The following DAB1 variants were observed in gnomAD, a reference collection of about 807,000 sequenced individuals.
DAB1 encodes disabled homolog 1.
A neutral mutation model predicts 64.6 loss-of-function variants in DAB1; 15 were observed. That is an observed-to-expected ratio of 0.23 (90% CI 0.16 to 0.36). The LOEUF (loss-of-function observed/expected upper bound fraction) is 0.36. Ranked by LOEUF, DAB1 falls within the 10% of genes least tolerant of loss-of-function variation. The pLI, the probability that DAB1 is intolerant of heterozygous loss-of-function variation, is 1.00. For missense variants in DAB1, 596 were observed against 706.7 expected, an observed-to-expected ratio of 0.84 and a Z score of 1.78; for synonymous variants, 235 against 251.9, an observed-to-expected ratio of 0.93 and a Z score of 0.64.
At chr1:57,579,746 A>G (rs1645290165) in intron 7 of DAB1, among the ~76,000 whole-genome samples, 1 of 152,182 alleles carries the variant, frequency 6.6e-6, no homozygotes, top group Non-Finnish European at 1.5e-5. Context: ...TTTGAGAAAC[A>G]TTGACCTAGT....
intron 2 of DAB1, among the ~76,000 whole-genome samples, chr1:57,211,915 A>G (rs1361354084): frequency 6.6e-6 from 1 of 152,248 alleles, no homozygotes; most frequent in Non-Finnish European, 1.5e-5. Context: ...ACTTTATATC[A>G]GGGACTTGGG....
chr1:57,798,480 A>G (rs1233281591), intron 6 of DAB1, among the ~76,000 whole-genome samples: 2 of 152,266 alleles, frequency 1.3e-5, no homozygotes, highest in South Asian at 2.1e-4. Context: ...TCCAGAGGAG[A>G]GAGATGCAAG....
At chr1:58,171,436 T>C (rs904710126) in intron 4 of DAB1, among the ~76,000 whole-genome samples, 2 of 152,200 alleles carry the variant, frequency 1.3e-5, no homozygotes, top group Non-Finnish European at 2.9e-5. Flanking sequence ...AAAAGCTGAA[T>C]GGTCAGTGGA....
chr1:58,427,856 C>T (rs966782833), intron 3 of DAB1, among the ~76,000 whole-genome samples: 4 of 152,042 alleles, frequency 2.6e-5, no homozygotes, highest in Non-Finnish European at 2.9e-5. Context: ...ACTCAGCCAG[C>T]GTGAAGAGGT....
In DAB1 at chr1:58,494,177, C is replaced by T. The variant is rs555090665; in HGVS notation, n.257+11883G>A. Reference sequence around the variant, plus strand: ...AAATAAGAAATGGGGAAAGGATTCCCTCTTTAATAAATGGTGCTGGGAAAA... The same window carrying T: ...AAATAAGAAATGGGGAAAGGATTCCTTCTTTAATAAATGGTGCTGGGAAAA... On this transcript the variant is annotated intron_variant and non_coding_transcript_variant, in intron 3 of 20. Transcript: ENST00000485760. 1.6e-3 allele frequency among the ~76,000 whole-genome samples: 249 copies of T among 152,310 alleles called. 1 individual carries two copies. Among genetic ancestry groups the T allele is most frequent in the African/African-American group, 5.8e-3 (243 of 41,558 alleles).
intron 6 of DAB1, among the ~76,000 whole-genome samples, chr1:57,664,652 T>C (rs1441490875): frequency 6.6e-6 from 1 of 152,098 alleles, no homozygotes; most frequent in Non-Finnish European, 1.5e-5. Context: ...GTCCAAAGAT[T>C]CACCATAAAG....
At chr1:57,151,185 G>C (rs1484692325) in intron 2 of DAB1, among the ~76,000 whole-genome samples, 3 of 152,080 alleles carry the variant, frequency 2.0e-5, no homozygotes, top group Non-Finnish European at 2.9e-5. Context: ...AGACCACAAG[G>C]TCTATTAATG....
At chr1:57,062,796 G>C (rs1650530785) in intron 9 of DAB1, 88 bp downstream of exon 9, 3 of 1,110,904 alleles carry the variant, frequency 2.7e-6, no homozygotes, top group Non-Finnish European at 2.7e-6. Context: ...ACTCATTCCA[G>C]GAGAAGGGTT....
intron 5 of DAB1, among the ~76,000 whole-genome samples, chr1:57,936,405 A>C (rs557944755): frequency 1.3e-4 from 20 of 151,980 alleles, no homozygotes; most frequent in African/African-American, 4.8e-4. Context: ...TACTTTTTTT[A>C]TTTTGAGACA....
chr1:57,949,060 C>G (rs1462394669), intron 5 of DAB1, among the ~76,000 whole-genome samples: 1 of 152,148 alleles, frequency 6.6e-6, no homozygotes, highest in Non-Finnish European at 1.5e-5. Flanking sequence ...TGTGTCCTTG[C>G]CTTCTTCTCC....
intron 2 of DAB1, among the ~76,000 whole-genome samples, chr1:57,231,064 A>G (rs1667639540): frequency 6.6e-6 from 1 of 152,198 alleles, no homozygotes; most frequent in Non-Finnish European, 1.5e-5. Context: ...CAGCTGACAC[A>G]CAATTGATAT....
chr1:57,646,998 T>C (rs894517894), intron 7 of DAB1, among the ~76,000 whole-genome samples: 2 of 152,178 alleles, frequency 1.3e-5, no homozygotes, highest in South Asian at 4.1e-4. Flanking sequence ...TATATGATTA[T>C]AGTTTACCTC....
At position 58,051,215 on chromosome 1, in the gene DAB1, T is replaced by C. The variant is rs562940746; in HGVS notation, n.387+99296A>G. On this transcript the variant is annotated intron_variant and non_coding_transcript_variant, in intron 5 of 20. Transcript: ENST00000485760. ...CCTCCCCCAGCCCCCCAGCCCCCGA[T>C]GGGCCCCAGTATATGATGTTCCCTG... Among the ~76,000 whole-genome samples the C allele has an allele frequency of 4.4e-3, 621 of 141,478 alleles. 4 individuals are homozygous for C. The highest frequency in any genetic ancestry group is 0.015 in the African/African-American group (602 of 39,168). The allele number at this position is 141,478 out of a possible 152,430, so 92.8% of individuals were successfully genotyped here.
intron 5 of DAB1, among the ~76,000 whole-genome samples, chr1:57,916,685 C>G (rs1270400668): frequency 2.6e-5 from 4 of 152,224 alleles, no homozygotes; most frequent in Non-Finnish European, 5.9e-5. Context: ...CGCCTGTAAT[C>G]CCAACACTTT....
chr1:58,495,106 C>T (rs1224584463), intron 3 of DAB1, among the ~76,000 whole-genome samples: 2 of 152,132 alleles, frequency 1.3e-5, no homozygotes, highest in Admixed American at 6.6e-5. Context: ...AGGATGAGTT[C>T]ATGTCCTTTG....
intron 5 of DAB1, among the ~76,000 whole-genome samples, chr1:58,078,445 G>A (rs886953026): frequency 1.3e-5 from 2 of 152,162 alleles, no homozygotes; most frequent in South Asian, 2.1e-4. Flanking sequence ...TTAAAACATA[G>A]CTTGGCATTC....
chr1:57,006,208 C>T (rs1646060289), intron 14 of DAB1, among the ~76,000 whole-genome samples: 1 of 152,162 alleles, frequency 6.6e-6, no homozygotes, highest in African/African-American at 2.4e-5. Context: ...ATGGCTGAAA[C>T]CCATATGGAA....
intron 6 of DAB1, among the ~76,000 whole-genome samples, chr1:57,795,537 T>C (rs1422916157): frequency 6.6e-6 from 1 of 151,438 alleles, no homozygotes; most frequent in Non-Finnish European, 1.5e-5. Context: ...GTAATTATTA[T>C]ACATTTTTCT....
intron 3 of DAB1, among the ~76,000 whole-genome samples, chr1:58,382,125 G>A (rs966065579): frequency 6.6e-6 from 1 of 152,206 alleles, no homozygotes; most frequent in African/African-American, 2.4e-5. Context: ...AAATGGGGGA[G>A]GCAATACATC....
Sources: gnomAD v4.1 joint callset for allele counts (sites outside exome capture counted in the v4.1 genomes callset) on GRCh38, gnomAD v4.1.1 for gene constraint, MANE v1.5 for transcripts, NCBI Gene and HGNC (gene_info 2026-07-23, HGNC 2026-07-21) for gene names.